FAM83B: variants seen among roughly 807,000 people sequenced by gnomAD.
FAM83B encodes the protein scaffolding CK1 anchoring protein B.
In FAM83B, 26 loss-of-function variants were observed where a neutral mutation model predicts 38.8. The ratio of observed to expected loss-of-function variants is 0.67; its 90% CI spans 0.49 to 0.93. The LOEUF (loss-of-function observed/expected upper bound fraction) is 0.93, where lower values mean the gene tolerates loss of function less well. Among genes scored for constraint, FAM83B ranks in the 40% least tolerant of loss-of-function variants. FAM83B has a pLI of 0.00. For missense variants in FAM83B, 1,237 were observed against 1,197.3 expected (o/e 1.03, Z -0.49); for synonymous variants, 419 against 423.1 (o/e 0.99, Z 0.12).
rs573545223 is a variant in FAM83B, at chr6:54,930,736, A to G, written c.734+3104A>G. On this transcript the variant is annotated intron_variant, in intron 4 of 4. Coordinates refer to ENST00000306858, the MANE Select transcript of FAM83B (RefSeq NM_001010872.3). ...CTTTCAGAATTTCCCTTTTTTCCCT[A>G]TTTGTTTTTGTTTTTTCTAGTTTCT... Among the ~76,000 whole-genome samples, 3 of 151,144 alleles carry G rather than the reference A, an allele frequency of 2.0e-5. No individual in the cohort carries two copies. In the South Asian group the frequency reaches 6.3e-4, roughly 32 times the overall value.
At chr6:54,872,020 T>C (rs1771868355) in intron 2 of FAM83B, among the ~76,000 whole-genome samples, 1 of 152,098 alleles carries the variant, frequency 6.6e-6, no homozygotes, top group South Asian at 2.1e-4. Context: ...CTAACAATAA[T>C]GTAGAGAGAC....
chr6:54,873,292 A>G (rs2127576035), intron 2 of FAM83B, among the ~76,000 whole-genome samples: 1 of 152,308 alleles, frequency 6.6e-6, no homozygotes, highest in East Asian at 1.9e-4. Context: ...ATATGTCGCC[A>G]TATCTACTTA....
intron 1 of FAM83B, among the ~76,000 whole-genome samples, chr6:54,855,191 A>G (rs1771418793): frequency 1.3e-5 from 2 of 152,362 alleles, no homozygotes; most frequent in East Asian, 3.9e-4. Flanking sequence ...TGGCAGCCCC[A>G]TGTACAGTAA....
At chr6:54,920,561 C>G (rs1267067810) in intron 2 of FAM83B, among the ~76,000 whole-genome samples, 3 of 151,612 alleles carry the variant, frequency 2.0e-5, no homozygotes, top group African/African-American at 7.3e-5. Flanking sequence ...TTATAATAGA[C>G]TTCAAAGGGA....
intron 2 of FAM83B, among the ~76,000 whole-genome samples, chr6:54,892,410 T>G (rs566226357): frequency 4.6e-5 from 7 of 152,178 alleles, no homozygotes; most frequent in African/African-American, 1.7e-4. Context: ...TTCCTGATCC[T>G]CTCCCTCCTC....
At chr6:54,891,900 T>C (rs974609596) in intron 2 of FAM83B, among the ~76,000 whole-genome samples, 1 of 152,044 alleles carries the variant, frequency 6.6e-6, no homozygotes, top group East Asian at 1.9e-4. Context: ...CAAGTGATCC[T>C]ACTACCTCAG....
In FAM83B at chr6:54,903,090, A is replaced by C. The variant is rs553426593; in HGVS notation, c.445-23281A>C. ...TATATTTATAGATTTGTTTCTATGG[A>C]TATATTTCTCTATATTTCAATAAGT... On this transcript the variant is annotated intron_variant, in intron 2 of 4. Transcript: ENST00000306858. Among the ~76,000 whole-genome samples, 3 of 152,272 alleles carry C rather than the reference A, an allele frequency of 2.0e-5. No individual in the cohort carries two copies. In the South Asian group the frequency reaches 6.2e-4, roughly 32 times the overall value.
chr6:54,865,201 A>T (rs779610051), intron 1 of FAM83B, among the ~76,000 whole-genome samples: 2 of 152,142 alleles, frequency 1.3e-5, no homozygotes, highest in Non-Finnish European at 2.9e-5. Flanking sequence ...TTGGAATCAG[A>T]GTGTCAGCAG....
chr6:54,913,985 C>A (rs1266440236), intron 2 of FAM83B, among the ~76,000 whole-genome samples: 1 of 151,810 alleles, frequency 6.6e-6, no homozygotes, highest in African/African-American at 2.4e-5. Context: ...TATCACATAT[C>A]CAGTCAGTGT....
chr6:54,935,972 T>C lies in FAM83B; in HGVS notation c.735-3734T>C, dbSNP rs73432372. On this transcript the variant is annotated intron_variant, in intron 4 of 4. Transcript: ENST00000306858. ...GTGCTAGATGACAACTTATGAGTCATACATGTGAGGCTTGCAAGGCCCACT... is the reference window on the plus strand; with the variant it reads ...GTGCTAGATGACAACTTATGAGTCACACATGTGAGGCTTGCAAGGCCCACT... 2.2e-3 allele frequency among the ~76,000 whole-genome samples: 339 copies of C among 152,116 alleles called. 3 individuals are homozygous for C. Among genetic ancestry groups the C allele is most frequent in the African/African-American group, 7.8e-3 (323 of 41,528 alleles).
At chr6:54,847,194 C>A (rs1361107976) in intron 1 of FAM83B, among the ~76,000 whole-genome samples, 1 of 147,778 alleles carries the variant, frequency 6.8e-6, no homozygotes, top group Admixed American at 6.7e-5. Context: ...CCGAGGACCC[C>A]GGGAGGGGAA....
chr6:54,852,350 A>G (rs1375387635), intron 1 of FAM83B, among the ~76,000 whole-genome samples: 1 of 152,156 alleles, frequency 6.6e-6, no homozygotes, highest in African/African-American at 2.4e-5. Context: ...TTCAAACTTC[A>G]TTATTATAAT....
In FAM83B at chr6:54,943,472, A is replaced by G. The variant is rs546377262; in HGVS notation, c.*1465A>G. On this transcript the variant is annotated 3_prime_UTR_variant, in exon 5 of 5. Coordinates refer to ENST00000306858, the MANE Select transcript of FAM83B (RefSeq NM_001010872.3). ...CATCACTTTAAATATATTACTTAAT[A>G]TATTCTAAGTTGCTGTGTGGAGCAG... The G allele has an allele frequency of 6.6e-6, 1 of 152,188 alleles. No individual in the cohort carries two copies. Among genetic ancestry groups the G allele is most frequent in the Non-Finnish European group, 1.5e-5 (1 of 68,028 alleles). 9.4% of individuals were successfully genotyped at this position (152,188 alleles called of 1,614,324 possible). A position where few individuals can be genotyped will look rare whatever the true frequency, so the allele number is the denominator to read the frequency against.
At chr6:54,874,330 T>C (rs1367843327) in intron 2 of FAM83B, among the ~76,000 whole-genome samples, 1 of 152,182 alleles carries the variant, frequency 6.6e-6, no homozygotes, top group African/African-American at 2.4e-5. Context: ...TTTGGGAAAA[T>C]TCAATTGTAG....
At chr6:54,879,100 GA>G (rs1306607786) in intron 2 of FAM83B, among the ~76,000 whole-genome samples, 3 of 152,148 alleles carry the variant, frequency 2.0e-5, no homozygotes, top group Admixed American at 6.6e-5. Context: ...GAGTTAAGGG[GA>G]CTTTTAAGTT....
intron 2 of FAM83B, among the ~76,000 whole-genome samples, chr6:54,913,189 T>C (rs1427556006): frequency 2.6e-5 from 4 of 152,106 alleles, no homozygotes; most frequent in African/African-American, 9.7e-5. Context: ...GTTGTGTTAA[T>C]TGTTGGAAGA....
intron 2 of FAM83B, among the ~76,000 whole-genome samples, chr6:54,884,775 A>T (rs1161644838): frequency 2.1e-5 from 3 of 141,592 alleles, no homozygotes; most frequent in African/African-American, 7.9e-5. Context: ...GTCCTCCAGT[A>T]TTTTTTTTTT....
chr6:54,851,981 CT>C (rs1258222476), intron 1 of FAM83B, among the ~76,000 whole-genome samples: 2 of 145,302 alleles, frequency 1.4e-5, no homozygotes, highest in African/African-American at 4.9e-5. Context: ...CGGAGTTTCA[CT>C]ATGTTGGCCT....
chr6:54,885,052 G>C (rs183963584), intron 2 of FAM83B, among the ~76,000 whole-genome samples: 3 of 152,210 alleles, frequency 2.0e-5, no homozygotes, highest in East Asian at 3.9e-4. Context: ...GATTACAGGC[G>C]TGAGCCACTG....
Sources: allele counts gnomAD v4.1 joint callset (sites outside exome capture counted in the v4.1 genomes callset), GRCh38; gene constraint gnomAD v4.1.1; transcripts MANE v1.5; gene names NCBI Gene and HGNC (gene_info 2026-07-23, HGNC 2026-07-21).